Variants in SPOCK2 observed in about 807,000 individuals in gnomAD.
SPOCK2 encodes testican-2.
A neutral mutation model predicts 60.1 loss-of-function variants in SPOCK2; 39 were observed. The observed-to-expected ratio is 0.65, with a 90% CI of 0.50 to 0.85. SPOCK2 has a LOEUF of 0.85. Ranked by LOEUF, SPOCK2 falls within the 40% of genes least tolerant of loss-of-function variation. The pLI is 0.00. For synonymous variants in SPOCK2, 217 were observed against 231.5 expected (o/e 0.94, Z 0.57); for missense variants, 523 against 567.4 (o/e 0.92, Z 0.80).
chr10:72,068,324 CA>C (rs896742619), intron 5 of SPOCK2, 23 bp from the exon 6 acceptor site: 6 of 1,587,330 alleles, frequency 3.8e-6, no homozygotes, highest in Admixed American at 3.5e-5. Flanking sequence ...AAAGGTGGAA[CA>C]GGGGACTGAG....
Position 72,087,081 on chromosome 10 carries a change from G to A in SPOCK2, c.189+1059C>T. ...AGCACCAGGTCGCCAGGAGCAGCCG[G>A]CGTCGCCTCTGGCGCATCCGGGCCC... On this transcript the variant is annotated intron_variant, in intron 1 of 10. Transcript: ENST00000373109. This position sits in a 1 kb window ranked among gnomAD's most constrained non-coding sequence, Gnocchi z 4.7. 1 of 1,439,694 alleles carries A rather than the reference G, an allele frequency of 6.9e-7. No homozygotes were observed. Among genetic ancestry groups the A allele is most frequent in the Non-Finnish European group, 9.3e-7 (1 of 1,073,222 alleles). 89.2% of individuals were successfully genotyped at this position (1,439,694 alleles called of 1,614,324 possible).
chr10:72,073,205 C>T (rs1355302569), intron 1 of SPOCK2, among the ~76,000 whole-genome samples: 1 of 152,202 alleles, frequency 6.6e-6, no homozygotes, highest in Non-Finnish European at 1.5e-5. Flanking sequence ...CCCAGCCCCA[C>T]CACCAGGACA....
intron 1 of SPOCK2, among the ~76,000 whole-genome samples, chr10:72,076,797 T>C (rs1840720496): frequency 6.6e-6 from 1 of 152,184 alleles, no homozygotes; most frequent in African/African-American, 2.4e-5. Flanking sequence ...TGTGAAGTAG[T>C]CAGAGCCAAT....
At chr10:72,070,026 T>C in intron 5 of SPOCK2, 1 of 309,632 alleles carries the variant, frequency 3.2e-6, no homozygotes, top group Non-Finnish European at 6.0e-6. Context: ...CCTCAGTTCC[T>C]TTGACTTGCA....
intron 1 of SPOCK2, among the ~76,000 whole-genome samples, chr10:72,078,435 C>T (rs1043140204): frequency 3.3e-5 from 5 of 151,794 alleles, no homozygotes; most frequent in African/African-American, 9.7e-5. Flanking sequence ...GGCGTGAACC[C>T]GGTAGGCAGA....
chr10:72,087,760 G>A lies in SPOCK2; in HGVS notation c.189+380C>T, dbSNP rs564033733. Among the ~76,000 whole-genome samples the A allele has an allele frequency of 2.5e-4, 38 of 152,306 alleles. No homozygotes were observed. Among genetic ancestry groups the A allele is most frequent in the Non-Finnish European group, 4.3e-4 (29 of 68,022 alleles). ...TGCAGCATCCCAGCGGCTGGGGCAG[G>A]CCCGGGGGCGGCTCGCACAACGCAG... On this transcript the variant is annotated intron_variant, in intron 1 of 10. Transcript: ENST00000373109. This position sits in a 1 kb window ranked among gnomAD's most constrained non-coding sequence, Gnocchi z 4.7.
chr10:72,062,578 C>A lies in SPOCK2; in HGVS notation c.*182G>T. On this transcript the variant is annotated 3_prime_UTR_variant, in exon 11 of 11. Coordinates refer to ENST00000373109, the MANE Select transcript of SPOCK2 (RefSeq NM_001244950.2). This position sits in a 1 kb window ranked among gnomAD's most constrained non-coding sequence, Gnocchi z 4.3. ...ATACACACATGCATGCACACATGCA[C>A]TCACACTGTCACCCGTCCCAGCCAT... The A allele has an allele frequency of 2.5e-6, 3 of 1,188,102 alleles. No homozygotes were observed. Among genetic ancestry groups the A allele is most frequent in the Non-Finnish European group, 3.5e-6 (3 of 852,440 alleles). 73.6% of individuals were successfully genotyped at this position (1,188,102 alleles called of 1,614,324 possible).
At chr10:72,074,386 A>C (rs1435539868) in intron 1 of SPOCK2, among the ~76,000 whole-genome samples, 1 of 151,606 alleles carries the variant, frequency 6.6e-6, no homozygotes, top group African/African-American at 2.4e-5. Flanking sequence ...ATGCTTCTGC[A>C]TGTGTGTGTG....
rs777377804 is a variant in SPOCK2, at chr10:72,062,836, G to A, written c.1199C>T (p.Thr400Met). 28 of 1,608,182 alleles carry A rather than the reference G, an allele frequency of 1.7e-5. No individual in the cohort carries two copies. The South Asian group carries it at 2.1e-4, about 12-fold the overall frequency. The change falls in exon 11 of 11, where the codon ACG (threonine) becomes ATG (methionine). Residue 400 changes from threonine to methionine, a missense_variant. By Grantham distance (81) the Thr-to-Met change is moderately conservative (BLOSUM62 -1). Transcript: ENST00000373109. This position sits in a 1 kb window ranked among gnomAD's most constrained non-coding sequence, Gnocchi z 4.3. ...VGWEDEEEKETEEAGEEAEEE... is the reference protein window; with the variant it reads ...VGWEDEEEKEMEEAGEEAEEE... ...CTCGGCCTCCTCGCCTGCTTCCTCCGTCTCCTTCTCCTCCTCATCCTCCCA... is the reference window on the plus strand; with the variant it reads ...CTCGGCCTCCTCGCCTGCTTCCTCCATCTCCTTCTCCTCCTCATCCTCCCA...
Position 72,066,896 on chromosome 10 carries a change from A to G in SPOCK2, c.928+6T>C. The G allele has an allele frequency of 6.2e-7, 1 of 1,613,242 alleles. No individual in the cohort carries two copies. Among genetic ancestry groups the G allele is most frequent in the African/African-American group, 1.3e-5 (1 of 74,964 alleles). ...GGCAGGGGCCTGGGAGGGGGGCTGC[A>G]CTCACTCTCCCTCCAGAAGCAGAAG... On this transcript the variant is annotated splice_donor_region_variant and intron_variant, in intron 8 of 10. Coordinates refer to ENST00000373109, the MANE Select transcript of SPOCK2 (RefSeq NM_001244950.2).
chr10:72,082,733 GATCCCA>G (rs1390484067), intron 1 of SPOCK2, among the ~76,000 whole-genome samples: 1 of 151,356 alleles, frequency 6.6e-6, no homozygotes, highest in Non-Finnish European at 1.5e-5. Context: ...GTGTGCCTGT[GATCCCA>G]GCTACTTGGG....
intron 5 of SPOCK2, among the ~76,000 whole-genome samples, chr10:72,069,461 T>C (rs1840615618): frequency 6.6e-6 from 1 of 151,398 alleles, no homozygotes; most frequent in Non-Finnish European, 1.5e-5. Flanking sequence ...CCTGCATTTC[T>C]ATGTTACTTT....
At chr10:72,079,753 T>C (rs1313922467) in intron 1 of SPOCK2, among the ~76,000 whole-genome samples, 3 of 152,252 alleles carry the variant, frequency 2.0e-5, no homozygotes, top group African/African-American at 7.2e-5. Context: ...CTCCAGACCC[T>C]GGCTTATGGG....
chr10:72,080,282 A>G (rs924955435), intron 1 of SPOCK2, among the ~76,000 whole-genome samples: 2 of 152,240 alleles, frequency 1.3e-5, no homozygotes, highest in Admixed American at 1.3e-4. Context: ...TAATAGATCA[A>G]GAATCTCTAA....
rs755810161 is a variant in SPOCK2, at chr10:72,067,666, T to C, written c.656A>G (p.His219Arg). 5.0e-6 allele frequency: 8 copies of C among 1,613,696 alleles called. No individual in the cohort carries two copies. Among genetic ancestry groups the C allele is most frequent in the Non-Finnish European group, 6.8e-6 (8 of 1,180,020 alleles). The change falls in exon 7 of 11, where the codon CAT becomes CGT. Residue 219 changes from histidine (H) to arginine (R), a missense_variant. Transcript: ENST00000373109. ...TGAGCCATTCTGCTTGGAGTTCTCATGAAGGAGCTGGAACCAGTCCCGCAG... is the reference window on the plus strand; with the variant it reads ...TGAGCCATTCTGCTTGGAGTTCTCACGAAGGAGCTGGAACCAGTCCCGCAG... Reference protein sequence around the residue: ...DRLRDWFQLLHENSKQNGSAS... With the variant: ...DRLRDWFQLLRENSKQNGSAS...
intron 1 of SPOCK2, among the ~76,000 whole-genome samples, chr10:72,075,653 T>C (rs1053761752): frequency 6.6e-6 from 1 of 152,116 alleles, no homozygotes; most frequent in Non-Finnish European, 1.5e-5. Context: ...TGCTCCACCA[T>C]CCCCCACTCC....
chr10:72,071,370 G>GTAGAGA (rs1840645312), intron 4 of SPOCK2, among the ~76,000 whole-genome samples: 3 of 152,086 alleles, frequency 2.0e-5, no homozygotes, highest in Non-Finnish European at 2.9e-5. Context: ...TGTATTTTCA[G>GTAGAGA]TAGAGATGGG....
At chr10:72,083,663 T>C (rs943387363) in intron 1 of SPOCK2, among the ~76,000 whole-genome samples, 8 of 152,204 alleles carry the variant, frequency 5.3e-5, no homozygotes, top group Admixed American at 2.6e-4. Flanking sequence ...GCTTGGAGTC[T>C]CGCTGGGTGT....
intron 1 of SPOCK2, among the ~76,000 whole-genome samples, chr10:72,075,717 C>T (rs576274067): frequency 1.3e-5 from 2 of 152,310 alleles, no homozygotes; most frequent in South Asian, 2.1e-4. Context: ...GCACTGCCCC[C>T]GGTTCCAGCC....
Sources: allele counts gnomAD v4.1 joint callset (sites outside exome capture counted in the v4.1 genomes callset), GRCh38; gene constraint gnomAD v4.1.1; non-coding constraint Gnocchi (gnomAD v3.1); transcripts MANE v1.5; gene names NCBI Gene and HGNC (gene_info 2026-07-23, HGNC 2026-07-21).